Variants in INPP4B observed in about 807,000 individuals in gnomAD.
INPP4B encodes the protein inositol polyphosphate 4-phosphatase type II.
Under a neutral mutation model 122.5 loss-of-function variants are expected in INPP4B, and 55 were observed. The observed-to-expected ratio is 0.45, with a 90% confidence interval of 0.36 to 0.56. The LOEUF (loss-of-function observed/expected upper bound fraction) is 0.56. Ranked by LOEUF, INPP4B falls within the 20% of genes least tolerant of loss-of-function variation. The pLI is 0.00. For missense variants in INPP4B, 1,000 were observed against 1,097.7 expected (o/e 0.91, Z 1.26); for synonymous variants, 403 against 388.7 (o/e 1.04, Z -0.43).
intron 2 of INPP4B, among the ~76,000 whole-genome samples, chr4:142,648,123 C>T (rs1223914244): frequency 1.3e-5 from 2 of 152,248 alleles, no homozygotes; most frequent in East Asian, 3.8e-4. Flanking sequence ...GGGTTAGTTT[C>T]CCTAAGTAAC....
Position 142,145,905 on chromosome 4 carries a change from C to A in INPP4B, c.1655G>T (p.Ser552Ile), listed in dbSNP as rs1419097116. The A allele has an allele frequency of 1.2e-6, 2 of 1,613,858 alleles. No individual in the cohort carries two copies. Among genetic ancestry groups the A allele is most frequent in the Admixed American group, 1.7e-5 (1 of 60,018 alleles). The change falls in exon 18 of 26, where the codon AGT becomes ATT. Residue 552 changes from serine to isoleucine, a missense_variant. Ser to Ile is a moderately radical substitution (Grantham distance 142). Coordinates refer to ENST00000262992, the MANE Select transcript of INPP4B (RefSeq NM_001101669.3). ...LIERDGGSEG[S>I]GGNNDGEKEP... is the part of the protein sequence containing the mutation. ...CTTTTCTCCATCATTGTTGCCGCCA[C>A]TGCCTTCACTGCCACCATCTCTTTC... is the stretch of plus-strand genomic sequence containing the variant.
intron 2 of INPP4B, among the ~76,000 whole-genome samples, chr4:142,722,117 A>G (rs1209841076): frequency 1.3e-5 from 2 of 152,198 alleles, no homozygotes; most frequent in African/African-American, 4.8e-5. Context: ...ATATACACAC[A>G]CACATATACA....
At chr4:142,538,036 A>G (rs1213578948) in intron 2 of INPP4B, among the ~76,000 whole-genome samples, 5 of 152,120 alleles carry the variant, frequency 3.3e-5, no homozygotes, top group African/African-American at 9.7e-5. Context: ...ACCTTAAAAA[A>G]TAACAACAAC....
At chr4:142,119,692 T>C (rs1410556876) in intron 21 of INPP4B, among the ~76,000 whole-genome samples, 5 of 151,754 alleles carry the variant, frequency 3.3e-5, no homozygotes, top group Admixed American at 6.6e-5. Flanking sequence ...ATATACCTAA[T>C]GTAAATGACG....
intron 2 of INPP4B, among the ~76,000 whole-genome samples, chr4:142,711,231 C>CTTCTTT (rs1438536950): frequency 6.6e-6 from 1 of 152,190 alleles, no homozygotes; most frequent in Non-Finnish European, 1.5e-5. Flanking sequence ...AGAATCTTCT[C>CTTCTTT]AGAGAGGCCT....
At position 142,443,219 on chromosome 4, in the gene INPP4B, C is replaced by A. The variant is rs538085623; in HGVS notation, c.-126-11834G>T. On this transcript the variant is annotated intron_variant, in intron 3 of 25. Transcript: ENST00000262992. ...TATAACACTCCTGAGAGCCTTTACTCAAGAGTATTCTGCACTGACTAAAGG... is the reference window on the plus strand; with the variant it reads ...TATAACACTCCTGAGAGCCTTTACTAAAGAGTATTCTGCACTGACTAAAGG... 1.9e-3 allele frequency among the ~76,000 whole-genome samples: 290 copies of A among 152,240 alleles called. 1 individual carries two copies. The highest frequency in any genetic ancestry group is 2.3e-3 in the Admixed American group (35 of 15,288).
intron 2 of INPP4B, among the ~76,000 whole-genome samples, chr4:142,589,207 T>C (rs12331694): frequency 0.014 from 2,153 of 152,120 alleles, 42 homozygotes; most frequent in African/African-American, 0.041. Flanking sequence ...ATGTAGAATA[T>C]AAAAGCTATA....
chr4:142,336,690 T>A (rs762367552), intron 7 of INPP4B, among the ~76,000 whole-genome samples: 1 of 152,204 alleles, frequency 6.6e-6, no homozygotes, highest in African/African-American at 2.4e-5. Flanking sequence ...CGGAAGCCAA[T>A]TGTAGCACGT....
At chr4:142,386,399 T>C (rs530107525) in intron 7 of INPP4B, among the ~76,000 whole-genome samples, 118 of 152,324 alleles carry the variant, frequency 7.7e-4, no homozygotes, top group African/African-American at 2.7e-3. Flanking sequence ...TTTGTACATA[T>C]ATTATTAAAG....
At chr4:142,793,391 A>G (rs1776818704) in intron 1 of INPP4B, among the ~76,000 whole-genome samples, 1 of 152,104 alleles carries the variant, frequency 6.6e-6, no homozygotes, top group Non-Finnish European at 1.5e-5. Flanking sequence ...TGTTAAGCTG[A>G]ATAGAGAAGC....
chr4:142,285,566 A>G (rs1402056235), intron 9 of INPP4B, among the ~76,000 whole-genome samples: 1 of 84,108 alleles, frequency 1.2e-5, no homozygotes, highest in Non-Finnish European at 2.1e-5. Flanking sequence ...TGCCTATCCT[A>G]TACCAGGTAT....
intron 3 of INPP4B, among the ~76,000 whole-genome samples, chr4:142,458,073 AATAGTAAAAGGACAATTTT>A (rs1164858982): frequency 2.6e-5 from 4 of 152,312 alleles, no homozygotes; most frequent in Middle Eastern, 3.4e-3. Flanking sequence ...AAGATCTTCA[AATAGTAAAAGGACAATTTT>A]ACAGTGATAA....
intron 2 of INPP4B, among the ~76,000 whole-genome samples, chr4:142,548,724 C>A (rs1365094080): frequency 6.7e-6 from 1 of 150,362 alleles, no homozygotes; most frequent in African/African-American, 2.5e-5. Flanking sequence ...TATTTAAGTA[C>A]CAAATATAGT....
At chr4:142,439,312 G>T (rs573691242) in intron 3 of INPP4B, among the ~76,000 whole-genome samples, 1 of 152,272 alleles carries the variant, frequency 6.6e-6, no homozygotes, top group East Asian at 1.9e-4. Context: ...TTCCGTCTCT[G>T]TGTGGAAGTG....
chr4:142,823,787 A>G (rs892989435), intron 1 of INPP4B, among the ~76,000 whole-genome samples: 2 of 152,208 alleles, frequency 1.3e-5, no homozygotes, highest in African/African-American at 4.8e-5. Context: ...CAAAGGTTGC[A>G]CTGTGTAAGA....
chr4:142,311,327 G>A (rs140603821), intron 8 of INPP4B, among the ~76,000 whole-genome samples: 12 of 152,174 alleles, frequency 7.9e-5, no homozygotes, highest in East Asian at 5.8e-4. Flanking sequence ...TATTCTTACC[G>A]TGCTTGAACT....
intron 10 of INPP4B, 36 bp from the exon 11 acceptor site, chr4:142,260,600 AGAACAATC>A: frequency 3.5e-5 from 41 of 1,178,484 alleles, no homozygotes; most frequent in Non-Finnish European, 4.5e-5. Flanking sequence ...AAAAATTTTG[AGAACAATC>A]AAAATAAGGA....
chr4:142,810,169 C>CAAAAA (rs201292060), intron 1 of INPP4B, among the ~76,000 whole-genome samples: 1 of 103,876 alleles, frequency 9.6e-6, no homozygotes, highest in African/African-American at 3.4e-5. Context: ...GACTCCATCT[C>CAAAAA]AAAAAAAAAA....
chr4:142,322,342 G>T lies in INPP4B; in HGVS notation c.373-7580C>A, dbSNP rs78504311. Among the ~76,000 whole-genome samples, 557 of 151,940 alleles carry T rather than the reference G, an allele frequency of 3.7e-3. 1 individual carries two copies. The highest frequency in any genetic ancestry group is 0.013 in the African/African-American group (529 of 41,468). ...CTGAAATATTCCTGGGAAGTACATTGAACATTTCTTCTTCAACATTTGGAA... is the reference window on the plus strand; with the variant it reads ...CTGAAATATTCCTGGGAAGTACATTTAACATTTCTTCTTCAACATTTGGAA... On this transcript the variant is annotated intron_variant, in intron 7 of 25. Transcript: ENST00000262992.
Sources: gnomAD v4.1 joint callset for allele counts (sites outside exome capture counted in the v4.1 genomes callset) on GRCh38, gnomAD v4.1.1 for gene constraint, MANE v1.5 for transcripts, NCBI Gene and HGNC (gene_info 2026-07-23, HGNC 2026-07-21) for gene names.